The following SGSM1 variants were observed in gnomAD, a reference collection of about 807,000 sequenced individuals.
SGSM1 encodes small G protein signaling modulator 1, also known as RUN and TBC1 domain containing 2.
A neutral mutation model predicts 133.8 loss-of-function variants in SGSM1; 73 were observed. The observed-to-expected ratio is 0.55, with a 90% confidence interval of 0.45 to 0.66. SGSM1 has a LOEUF of 0.66. SGSM1 is among the 30% of genes least tolerant of loss of function. The pLI is 0.00. For synonymous variants in SGSM1, 563 were observed against 573.0 expected (o/e 0.98, Z 0.25); for missense variants, 1,213 against 1,448.1 (o/e 0.84, Z 2.64).
In SGSM1 at chr22:24,879,533, A is replaced by G. The variant is rs750310598; in HGVS notation, c.1495+7A>G. On this transcript the variant is annotated splice_region_variant and intron_variant, in intron 14 of 24. Transcript: ENST00000400358. ...TCCAGAGCCTTCTATGGATGTACGT[A>G]TAGGGCTCCATTGCCAGTGTGTCTC... 9 of 1,612,834 alleles carry G rather than the reference A, an allele frequency of 5.6e-6. No homozygotes were observed. Among genetic ancestry groups the G allele is most frequent in the Middle Eastern group, 1.7e-4 (1 of 6,060 alleles).
chr22:24,917,960 C>G (rs1032693047), intron 23 of SGSM1, among the ~76,000 whole-genome samples: 1 of 152,098 alleles, frequency 6.6e-6, no homozygotes, highest in African/African-American at 2.4e-5. Flanking sequence ...CTTCATCTTA[C>G]CAGTGAGGAA....
intron 13 of SGSM1, 116 bp from the exon 14 acceptor site, chr22:24,879,346 T>A: frequency 1.1e-6 from 1 of 907,188 alleles, no homozygotes. Flanking sequence ...CCCTACAGTC[T>A]CCCTGACTGG....
intron 15 of SGSM1, among the ~76,000 whole-genome samples, chr22:24,885,594 T>C (rs1294809290): frequency 6.6e-6 from 1 of 151,838 alleles, no homozygotes; most frequent in Non-Finnish European, 1.5e-5. Context: ...GCCCAGCTAA[T>C]TTTTGTATTT....
intron 19 of SGSM1, among the ~76,000 whole-genome samples, chr22:24,899,742 C>T (rs1028267917): frequency 1.3e-5 from 2 of 151,908 alleles, no homozygotes; most frequent in Admixed American, 6.6e-5. Flanking sequence ...AGGATGGTCT[C>T]GATCTGCTGA....
At chr22:24,865,892 T>C (rs6004329) in intron 9 of SGSM1, among the ~76,000 whole-genome samples, 41,766 of 151,742 alleles carry the variant, frequency 0.28, 7,315 homozygotes, top group African/African-American at 0.5. Flanking sequence ...TTCCTTGTCT[T>C]GCAGGAATGG....
Position 24,840,899 on chromosome 22 carries a change from G to A in SGSM1, c.64-3998G>A, listed in dbSNP as rs185526834. 5.2e-3 allele frequency among the ~76,000 whole-genome samples: 787 copies of A among 152,176 alleles called. 3 individuals are homozygous for A. The highest frequency in any genetic ancestry group is 9.4e-3 in the Non-Finnish European group (640 of 68,020). On this transcript the variant is annotated intron_variant, in intron 2 of 24. Coordinates refer to ENST00000400358, the MANE Select transcript of SGSM1 (RefSeq NM_001098497.3). ...GGAGTCTCGCTCTTTCACCCAGGCC[G>A]GACTGCAGTGGCGCTATCTCGGCTC... is the stretch of plus-strand genomic sequence containing the variant.
chr22:24,899,537 A>G (rs1196046433), intron 19 of SGSM1, among the ~76,000 whole-genome samples: 2 of 95,768 alleles, frequency 2.1e-5, no homozygotes, highest in African/African-American at 4.3e-5. Flanking sequence ...TTTTTTTTTT[A>G]ATTGAGACAG....
chr22:24,914,249 C>A (rs1033771307), intron 22 of SGSM1, among the ~76,000 whole-genome samples: 1 of 148,984 alleles, frequency 6.7e-6, no homozygotes, highest in Non-Finnish European at 1.5e-5. Flanking sequence ...GCTGAGATGG[C>A]GCCACTGCAC....
At position 24,924,508 on chromosome 22, in the gene SGSM1, C is replaced by T; in HGVS notation, c.*234C>T. On this transcript the variant is annotated 3_prime_UTR_variant, in exon 25 of 25. Transcript: ENST00000400358. ...CTGTTTGACCAAAGATTGCCCAAGTCTGGCGTTCCTCCCTTGCAGGAGGTG... is the reference window on the plus strand; with the variant it reads ...CTGTTTGACCAAAGATTGCCCAAGTTTGGCGTTCCTCCCTTGCAGGAGGTG... 1 of 531,002 alleles carries T rather than the reference C, an allele frequency of 1.9e-6. No individual in the cohort carries two copies. Among genetic ancestry groups the T allele is most frequent in the Non-Finnish European group, 3.4e-6 (1 of 296,196 alleles). 32.9% of individuals were successfully genotyped at this position (531,002 alleles called of 1,614,324 possible).
At chr22:24,807,247 T>A (rs2147771510) in intron 2 of SGSM1, among the ~76,000 whole-genome samples, 1 of 152,298 alleles carries the variant, frequency 6.6e-6, no homozygotes, top group East Asian at 1.9e-4. Context: ...TCTCGATGCC[T>A]GGACTGCGTG....
chr22:24,899,269 T>C (rs575352440), intron 19 of SGSM1, among the ~76,000 whole-genome samples: 34 of 152,264 alleles, frequency 2.2e-4, no homozygotes, highest in African/African-American at 6.0e-4. Context: ...GCCACTTTCC[T>C]AAATCTCTTT....
intron 9 of SGSM1, 41 bp downstream of exon 9, chr22:24,859,881 A>T (rs1569151726): frequency 6.2e-7 from 1 of 1,609,386 alleles, no homozygotes; most frequent in Admixed American, 1.7e-5. Context: ...GGGTCCCTCC[A>T]CTCGCCTTGG....
chr22:24,903,388 T>C (rs1340430564), intron 20 of SGSM1, among the ~76,000 whole-genome samples: 1 of 151,922 alleles, frequency 6.6e-6, no homozygotes, highest in Non-Finnish European at 1.5e-5. Flanking sequence ...TTTTGTATTG[T>C]AGTAGAGATG....
intron 16 of SGSM1, among the ~76,000 whole-genome samples, chr22:24,892,055 G>A (rs770596323): frequency 1.3e-5 from 2 of 152,256 alleles, no homozygotes; most frequent in Non-Finnish European, 2.9e-5. Context: ...AGTGGTGCAC[G>A]GTTCAGGGGG....
intron 2 of SGSM1, among the ~76,000 whole-genome samples, chr22:24,819,452 T>C (rs1928340489): frequency 6.6e-6 from 1 of 152,122 alleles, no homozygotes; most frequent in African/African-American, 2.4e-5. Flanking sequence ...TGCATTAGTG[T>C]ATGTAATGTC....
At chr22:24,882,701 A>ACT (rs1379014910) in intron 14 of SGSM1, among the ~76,000 whole-genome samples, 1 of 151,624 alleles carries the variant, frequency 6.6e-6, no homozygotes, top group African/African-American at 2.4e-5. Flanking sequence ...CCACTAGTCC[A>ACT]CTCTCCACCT....
chr22:24,806,612 G>A, intron 2 of SGSM1, 128 bp downstream of exon 2: 3 of 1,164,980 alleles, frequency 2.6e-6, no homozygotes, highest in Non-Finnish European at 3.4e-6. Flanking sequence ...GGGCTCACCT[G>A]GGTGGGCATT....
chr22:24,895,203 C>A lies in SGSM1; in HGVS notation c.1954-20C>A. 1 of 1,596,516 alleles carries A rather than the reference C, an allele frequency of 6.3e-7. No homozygotes were observed. The highest frequency in any genetic ancestry group is 2.3e-5 in the East Asian group (1 of 43,186). On this transcript the variant is annotated intron_variant, in intron 17 of 24. Transcript: ENST00000400358. ...GGGTGCAGCCTCACCCTCCCTCCCTCCTGCTCTTTCTTTTCTCAGTCCTCC... is the reference window on the plus strand; with the variant it reads ...GGGTGCAGCCTCACCCTCCCTCCCTACTGCTCTTTCTTTTCTCAGTCCTCC...
intron 2 of SGSM1, among the ~76,000 whole-genome samples, chr22:24,816,167 C>T (rs962440657): frequency 2.6e-5 from 4 of 152,136 alleles, no homozygotes; most frequent in South Asian, 2.1e-4. Flanking sequence ...ATTTAATCCA[C>T]AAAACAACCT....
Sources: allele counts gnomAD v4.1 joint callset (sites outside exome capture counted in the v4.1 genomes callset), GRCh38; gene constraint gnomAD v4.1.1; transcripts MANE v1.5; gene names NCBI Gene and HGNC (gene_info 2026-07-23, HGNC 2026-07-21).